Variants in PDS5B observed in about 807,000 individuals in gnomAD.
PDS5B encodes sister chromatid cohesion protein PDS5 homolog B.
Under a neutral mutation model 184.1 loss-of-function variants are expected in PDS5B, and 51 were observed. The ratio of observed to expected loss-of-function variants is 0.28; its 90% CI spans 0.22 to 0.35. PDS5B has a LOEUF of 0.35. PDS5B is among the 10% of genes least tolerant of loss of function. The probability of loss-of-function intolerance (pLI) is 1.00; values close to 1 mark genes in which losing one functional copy is unlikely to be tolerated. For synonymous variants in PDS5B, 566 were observed against 569.2 expected (o/e 0.99, Z 0.08); for missense variants, 1,180 against 1,723.3 (o/e 0.68, Z 5.58).
chr13:32,651,188 G>T (rs1378831440), intron 2 of PDS5B, among the ~76,000 whole-genome samples: 2 of 152,128 alleles, frequency 1.3e-5, no homozygotes, highest in Admixed American at 6.5e-5. Flanking sequence ...ACTCACATGT[G>T]CAACTGAATT....
chr13:32,630,908 C>A (rs1047651210), intron 1 of PDS5B, among the ~76,000 whole-genome samples: 1 of 151,922 alleles, frequency 6.6e-6, no homozygotes, highest in Non-Finnish European at 1.5e-5. Context: ...CCTCAGCCTC[C>A]CGAGTAGCTG....
At chr13:32,762,874 A>T (rs1954456986) in intron 30 of PDS5B, among the ~76,000 whole-genome samples, 1 of 152,090 alleles carries the variant, frequency 6.6e-6, no homozygotes, top group African/African-American at 2.4e-5. Context: ...TACTGTCGTG[A>T]TGTTATTTCA....
chr13:32,691,866 A>G (rs141034357), intron 13 of PDS5B, among the ~76,000 whole-genome samples: 44 of 152,018 alleles, frequency 2.9e-4, no homozygotes, highest in Non-Finnish European at 2.9e-5. Context: ...AGACATTTAA[A>G]TTTTTCCTAA....
At chr13:32,732,001 C>T (rs1309246411) in intron 19 of PDS5B, 100 bp from the exon 20 acceptor site, 26 of 974,908 alleles carry the variant, frequency 2.7e-5, no homozygotes, top group Non-Finnish European at 3.6e-5. Flanking sequence ...CTTTTTCTGA[C>T]CTTGTAAATC....
intron 19 of PDS5B, among the ~76,000 whole-genome samples, chr13:32,720,998 T>A (rs916764021): frequency 6.6e-6 from 1 of 152,188 alleles, no homozygotes; most frequent in East Asian, 1.9e-4. Context: ...GGCAGAAGAA[T>A]TTTTCTTAGT....
At chr13:32,621,312 A>T (rs1169116065) in intron 1 of PDS5B, among the ~76,000 whole-genome samples, 1 of 152,152 alleles carries the variant, frequency 6.6e-6, no homozygotes, top group Non-Finnish European at 1.5e-5. Context: ...AAAAATAAAA[A>T]AATTGGCTGG....
chr13:32,661,257 G>A lies in PDS5B; in HGVS notation c.624+1977G>A, dbSNP rs185851120. Among the ~76,000 whole-genome samples, 76 of 151,626 alleles carry A rather than the reference G, an allele frequency of 5.0e-4. 1 individual carries two copies. The East Asian group carries it at 0.014, about 28-fold the overall frequency. ...AAATTAGCCAGGCGTGGCAGCATGC[G>A]CTTATAATCCCAGCTACTCAGGAGG... On this transcript the variant is annotated intron_variant, in intron 6 of 34. Coordinates refer to ENST00000315596, the MANE Select transcript of PDS5B (RefSeq NM_015032.4).
At chr13:32,737,573 G>A (rs1249952716) in intron 21 of PDS5B, among the ~76,000 whole-genome samples, 1 of 152,010 alleles carries the variant, frequency 6.6e-6, no homozygotes, top group African/African-American at 2.4e-5. Context: ...CACTGCTTTG[G>A]TAGCTGTCTG....
intron 1 of PDS5B, among the ~76,000 whole-genome samples, chr13:32,606,622 A>T (rs1373786184): frequency 1.3e-5 from 2 of 152,256 alleles, no homozygotes; most frequent in East Asian, 3.9e-4. Flanking sequence ...CTGCCTCGCT[A>T]GGTTGGGGAA....
intron 19 of PDS5B, among the ~76,000 whole-genome samples, chr13:32,726,377 A>G (rs1952901257): frequency 6.6e-6 from 1 of 152,166 alleles, no homozygotes; most frequent in Non-Finnish European, 1.5e-5. Context: ...GGTTGTTTTC[A>G]GTATTACAGT....
chr13:32,721,515 C>G (rs1356140600), intron 19 of PDS5B, among the ~76,000 whole-genome samples: 2 of 151,332 alleles, frequency 1.3e-5, no homozygotes, highest in Admixed American at 1.3e-4. Context: ...GCGCTCCTCA[C>G]TTCCCAGACG....
chr13:32,680,123 T>C (rs560224073), intron 10 of PDS5B, among the ~76,000 whole-genome samples: 2 of 152,302 alleles, frequency 1.3e-5, no homozygotes, highest in South Asian at 2.1e-4. Flanking sequence ...TTTTTTTCCA[T>C]GTTAAAGGCT....
chr13:32,683,464 G>A (rs1229517325), intron 10 of PDS5B, among the ~76,000 whole-genome samples: 1 of 151,930 alleles, frequency 6.6e-6, no homozygotes, highest in Non-Finnish European at 1.5e-5. Flanking sequence ...GGGATCACAG[G>A]CATGTGCCAC....
intron 33 of PDS5B, among the ~76,000 whole-genome samples, chr13:32,771,724 T>C (rs1435529666): frequency 6.6e-6 from 1 of 152,146 alleles, no homozygotes; most frequent in Admixed American, 6.5e-5. Flanking sequence ...GCTTTATAAA[T>C]GTGTTTGGAT....
chr13:32,626,896 A>G (rs1195891820), intron 1 of PDS5B, among the ~76,000 whole-genome samples: 2 of 152,226 alleles, frequency 1.3e-5, no homozygotes, highest in Non-Finnish European at 2.9e-5. Flanking sequence ...AAATAGTGAC[A>G]TATGCTTACT....
chr13:32,730,630 G>C (rs1953078662), intron 19 of PDS5B, among the ~76,000 whole-genome samples: 1 of 152,106 alleles, frequency 6.6e-6, no homozygotes, highest in Non-Finnish European at 1.5e-5. Context: ...ATTAAGCAGT[G>C]GTTTGTAGTT....
At chr13:32,728,278 C>T (rs2140942439) in intron 19 of PDS5B, among the ~76,000 whole-genome samples, 1 of 152,048 alleles carries the variant, frequency 6.6e-6, no homozygotes, top group East Asian at 1.9e-4. Flanking sequence ...CTAATTCTAT[C>T]ACTTATGTCA....
chr13:32,728,835 T>A, intron 19 of PDS5B, among the ~76,000 whole-genome samples: 1 of 152,180 alleles, frequency 6.6e-6, no homozygotes, highest in African/African-American at 2.4e-5. Context: ...TACACCATTG[T>A]AATCTGAAGC....
chr13:32,684,887 G>A (rs1951342212), intron 11 of PDS5B, among the ~76,000 whole-genome samples: 1 of 152,218 alleles, frequency 6.6e-6, no homozygotes, highest in Admixed American at 6.5e-5. Context: ...GCTGAGACGG[G>A]TAGATCATGA....
Sources: gnomAD v4.1 joint callset for allele counts (sites outside exome capture counted in the v4.1 genomes callset) on GRCh38, gnomAD v4.1.1 for gene constraint, MANE v1.5 for transcripts, NCBI Gene and HGNC (gene_info 2026-07-23, HGNC 2026-07-21) for gene names.